Variants in RYR1 observed in about 807,000 individuals in gnomAD.
RYR1 encodes ryanodine receptor 1.
A neutral mutation model predicts 583.5 loss-of-function variants in RYR1; 342 were observed. The observed-to-expected ratio is 0.59, with a 90% CI of 0.54 to 0.64. The LOEUF (loss-of-function observed/expected upper bound fraction) is 0.64, where lower values mean the gene tolerates loss of function less well. RYR1 is among the 30% of genes least tolerant of loss of function. The pLI, the probability that RYR1 is intolerant of heterozygous loss-of-function variation, is 0.00. For synonymous variants in RYR1, 2,791 were observed against 2,822.5 expected (o/e 0.99, Z 0.35); for missense variants, 6,032 against 6,917.2 (o/e 0.87, Z 4.54).
intron 17 of RYR1, 129 bp downstream of exon 17, chr19:38,457,759 G>T: frequency 1.0e-6 from 1 of 975,222 alleles, no homozygotes; most frequent in Non-Finnish European, 1.6e-6. Context: ...AGTCCTCACA[G>T]ATGTCCACTG....
At chr19:38,503,538 C>T (rs1970299060) in intron 49 of RYR1, among the ~76,000 whole-genome samples, 3 of 152,064 alleles carry the variant, frequency 2.0e-5, no homozygotes, top group Non-Finnish European at 2.9e-5. Flanking sequence ...TTTGGGAGGC[C>T]GAGGTGGGCA....
rs1057521480 is a variant in RYR1, at chr19:38,504,373, G to A, written c.8067+13G>A. On this transcript the variant is annotated intron_variant, in intron 50 of 105. Transcript: ENST00000359596. ...TCTGGCCCATAAGGTCTGGGCAGCA[G>A]GGAGCCCCAAAATGGCCTATGTGGA... The A allele has an allele frequency of 5.0e-6, 8 of 1,612,584 alleles. No individual in the cohort carries two copies. The highest frequency in any genetic ancestry group is 6.8e-6 in the Non-Finnish European group (8 of 1,178,788).
At position 38,492,651 on chromosome 19, in the gene RYR1, C is replaced by T. The variant is rs1206765876; in HGVS notation, c.6274+15C>T. 5.1e-6 allele frequency: 8 copies of T among 1,571,716 alleles called. No individual in the cohort carries two copies. In the Admixed American group the frequency reaches 1.2e-4, roughly 24 times the overall value. Reference sequence around the variant, plus strand: ...GAGCAAACCCCGTGAGGACTGGGGTCACTGGGGAGAGGGCAGGGGTGGGGT... The same window carrying T: ...GAGCAAACCCCGTGAGGACTGGGGTTACTGGGGAGAGGGCAGGGGTGGGGT... On this transcript the variant is annotated intron_variant, in intron 38 of 105. Coordinates refer to ENST00000359596, the MANE Select transcript of RYR1 (RefSeq NM_000540.3).
chr19:38,438,614 G>GTTTTTT (rs1186571724), intron 1 of RYR1, among the ~76,000 whole-genome samples: 24 of 76,660 alleles, frequency 3.1e-4, no homozygotes, highest in East Asian at 2.7e-3. Context: ...GCCCAGGCTA[G>GTTTTTT]TCTTTTTTTT....
intron 1 of RYR1, among the ~76,000 whole-genome samples, chr19:38,436,379 T>TA (rs965773910): frequency 6.6e-6 from 1 of 152,084 alleles, no homozygotes; most frequent in Admixed American, 6.5e-5. Flanking sequence ...GGCTAATTTG[T>TA]AAAATTTTTT....
At chr19:38,528,462 A>C in intron 74 of RYR1, 44 bp downstream of exon 74, 1 of 1,607,168 alleles carries the variant, frequency 6.2e-7, no homozygotes. Context: ...GCTGCGGAGA[A>C]AGGGTGGCTG....
At chr19:38,562,684 T>G (rs1428687521) in intron 90 of RYR1, among the ~76,000 whole-genome samples, 1 of 151,996 alleles carries the variant, frequency 6.6e-6, no homozygotes, top group East Asian at 1.9e-4. Flanking sequence ...TCACGCACAC[T>G]GCATAACTGC....
chr19:38,512,509 G>C lies in RYR1; in HGVS notation c.9472+26G>C. 1 of 1,600,854 alleles carries C rather than the reference G, an allele frequency of 6.2e-7. No individual in the cohort carries two copies. Among genetic ancestry groups the C allele is most frequent in the Non-Finnish European group, 8.5e-7 (1 of 1,176,458 alleles). The stretch of plus-strand genomic sequence containing the variant: ...GTAAGGGCGCCTGACCCAAGGGCAG[G>C]TTGCGGGGAGTCAGTGTGGCCAACA... On this transcript the variant is annotated intron_variant, in intron 63 of 105. Coordinates refer to ENST00000359596, the MANE Select transcript of RYR1 (RefSeq NM_000540.3). The surrounding 1 kb of genome is among the most constrained non-coding windows in gnomAD (Gnocchi z 5.1).
chr19:38,569,291 G>A (rs1037508153), intron 93 of RYR1, among the ~76,000 whole-genome samples: 7 of 152,138 alleles, frequency 4.6e-5, no homozygotes, highest in Non-Finnish European at 7.4e-5. Flanking sequence ...ACAGGCGTGA[G>A]CCACTGCACC....
At chr19:38,575,471 C>T (rs188170091) in intron 96 of RYR1, among the ~76,000 whole-genome samples, 1 of 152,220 alleles carries the variant, frequency 6.6e-6, no homozygotes, top group East Asian at 1.9e-4. Flanking sequence ...TGAGACCAGC[C>T]TGGCCAACAT....
intron 25 of RYR1, 69 bp from the exon 26 acceptor site, chr19:38,468,897 C>T: frequency 6.5e-7 from 1 of 1,535,886 alleles, no homozygotes; most frequent in Non-Finnish European, 9.0e-7. Context: ...TCTCTCCCTC[C>T]CTGCTTCCTT....
chr19:38,567,219 G>A (rs908439578), intron 92 of RYR1, among the ~76,000 whole-genome samples: 8 of 152,200 alleles, frequency 5.3e-5, no homozygotes, highest in South Asian at 2.1e-4. Flanking sequence ...GTGGTGTGTG[G>A]GGAGGCTGAG....
intron 78 of RYR1, 43 bp downstream of exon 78, chr19:38,532,779 C>A (rs368614666): frequency 6.3e-7 from 1 of 1,581,316 alleles, no homozygotes; most frequent in Non-Finnish European, 8.7e-7. Context: ...GATGGGGGAC[C>A]CTGACTGCAG....
Position 38,535,369 on chromosome 19 carries a change from C to A in RYR1, c.11493C>A (p.Ile3831=). ...DKKEVGFFQS[I]QALMQTCSVL... ...AGGAAGTTGGCTTCTTCCAGAGTAT[C>A]CAGGCACTGATGCAAACATGCAGGT... The change falls in exon 81 of 106, where the codon ATC becomes ATA. Residue 3831 remains isoleucine (I), a synonymous_variant. Coordinates refer to ENST00000359596, the MANE Select transcript of RYR1 (RefSeq NM_000540.3). 6.2e-7 allele frequency: 1 copy of A among 1,614,064 alleles called. No homozygotes were observed. Among genetic ancestry groups the A allele is most frequent in the Non-Finnish European group, 8.5e-7 (1 of 1,179,924 alleles).
intron 49 of RYR1, among the ~76,000 whole-genome samples, chr19:38,503,645 C>T (rs902969462): frequency 1.3e-5 from 2 of 152,026 alleles, no homozygotes; most frequent in Admixed American, 6.5e-5. Flanking sequence ...TAGTGGAGCA[C>T]GCCTGTAATC....
intron 19 of RYR1, among the ~76,000 whole-genome samples, chr19:38,459,604 A>G (rs1967619370): frequency 6.6e-6 from 1 of 151,994 alleles, no homozygotes; most frequent in Non-Finnish European, 1.5e-5. Context: ...TGGTCTCTCA[A>G]CAACCCAAGG....
In RYR1 at chr19:38,500,041, T is replaced by G. The variant is rs1970036280; in HGVS notation, c.7323+25T>G. 1 of 1,607,718 alleles carries G rather than the reference T, an allele frequency of 6.2e-7. No homozygotes were observed. The highest frequency in any genetic ancestry group is 8.5e-7 in the Non-Finnish European group (1 of 1,174,710). The stretch of plus-strand genomic sequence containing the variant: ...TGTGAGACCCTGAGCCAGGGCAGGA[T>G]GGGAAGGGAGGGCAGGCACAGCCGC... On this transcript the variant is annotated intron_variant, in intron 45 of 105. Coordinates refer to ENST00000359596, the MANE Select transcript of RYR1 (RefSeq NM_000540.3). This position sits in a 1 kb window ranked among gnomAD's most constrained non-coding sequence, Gnocchi z 5.9.
chr19:38,510,758 C>T lies in RYR1; in HGVS notation c.9099C>T (p.Asn3033=). 6.2e-7 allele frequency: 1 copy of T among 1,614,216 alleles called. No individual in the cohort carries two copies. Among genetic ancestry groups the T allele is most frequent in the Non-Finnish European group, 8.5e-7 (1 of 1,180,030 alleles). The change falls in exon 60 of 106, where the codon AAC becomes AAT. Residue 3033 remains asparagine, a synonymous_variant. Coordinates refer to ENST00000359596, the MANE Select transcript of RYR1 (RefSeq NM_000540.3). ...KVLGSGGHAS[N]KEKEMITSLF... The stretch of plus-strand genomic sequence containing the variant: ...TGGGCAGCGGTGGCCACGCCTCTAA[C>T]AAGGAGAAGGAAATGATCACCAGGT...
chr19:38,580,899 A>ATTT (rs74176451), intron 101 of RYR1, among the ~76,000 whole-genome samples: 27 of 132,798 alleles, frequency 2.0e-4, no homozygotes, highest in African/African-American at 6.5e-4. Context: ...TGCCAGGCAC[A>ATTT]TTTTTTTTTT....
Sources: gnomAD v4.1 joint callset for allele counts (sites outside exome capture counted in the v4.1 genomes callset) on GRCh38, gnomAD v4.1.1 for gene constraint, Gnocchi (gnomAD v3.1) non-coding constraint, MANE v1.5 for transcripts, NCBI Gene and HGNC (gene_info 2026-07-23, HGNC 2026-07-21) for gene names.